The following GIT2 variants were observed in gnomAD, a reference collection of about 807,000 sequenced individuals.
GIT2 encodes the protein ARF GTPase-activating protein GIT2.
In GIT2, 32 loss-of-function variants were observed where a neutral mutation model predicts 100.3. The observed-to-expected ratio is 0.32, with a 90% CI of 0.24 to 0.43. The LOEUF is 0.43. Ranked by LOEUF, GIT2 falls within the 20% of genes least tolerant of loss-of-function variation. GIT2 has a pLI of 1.00. For missense variants in GIT2, 737 were observed against 975.1 expected, an observed-to-expected ratio of 0.76 and a Z score of 3.25; for synonymous variants, 353 against 364.1, an observed-to-expected ratio of 0.97 and a Z score of 0.35.
Position 109,933,037 on chromosome 12 carries a change from C to T in GIT2, c.2221G>A (p.Asp741Asn). The change falls in exon 20 of 20, where the codon GAC becomes AAC. Residue 741 changes from aspartate (D) to asparagine (N), a missense_variant. Physicochemically the swap from Asp to Asn is conservative, Grantham distance 23 (BLOSUM62 1). Around this residue, in one of 3 missense-constraint regions of GIT2, gnomAD observed 451 missense variants for 543.7 expected, o/e 0.83. Coordinates refer to ENST00000355312, the MANE Select transcript of GIT2 (RefSeq NM_057169.5). The surrounding 1 kb of genome is among the most constrained non-coding windows in gnomAD (Gnocchi z 4.5). ...AGCTGCTTGGCAGCCTTGGCGATGT[C>T]GTACGCACACTGGATGACCTGCTGC... ...VTQQVIQCAY[D>N]IAKAAKQLVT... The T allele has an allele frequency of 6.2e-7, 1 of 1,613,838 alleles. No homozygotes were observed. Among genetic ancestry groups the T allele is most frequent in the Non-Finnish European group, 8.5e-7 (1 of 1,179,746 alleles).
intron 1 of GIT2, chr12:109,991,994 C>A: frequency 2.3e-6 from 1 of 437,866 alleles, no homozygotes; most frequent in South Asian, 4.2e-5. Flanking sequence ...AAACAGTTAT[C>A]TTCTTTCTGG....
chr12:109,951,866 G>A (rs1450998773), intron 13 of GIT2, among the ~76,000 whole-genome samples: 1 of 152,184 alleles, frequency 6.6e-6, no homozygotes, highest in African/African-American at 2.4e-5. Flanking sequence ...CCTGTGAGTG[G>A]GTGAGAGGTG....
chr12:109,933,304 G>C lies in GIT2; in HGVS notation c.2068-114C>G. Reference sequence around the variant, plus strand: ...TGCTCCCCAGAGTGAAAGGCGGTTTGGTCCTGCCCTTTCTCAAAGGGGTGC... The same window carrying C: ...TGCTCCCCAGAGTGAAAGGCGGTTTCGTCCTGCCCTTTCTCAAAGGGGTGC... On this transcript the variant is annotated intron_variant, in intron 19 of 19. Coordinates refer to ENST00000355312, the MANE Select transcript of GIT2 (RefSeq NM_057169.5). This position sits in a 1 kb window ranked among gnomAD's most constrained non-coding sequence, Gnocchi z 4.5. 1.5e-6 allele frequency: 1 copy of C among 648,428 alleles called. No homozygotes were observed. The highest frequency in any genetic ancestry group is 2.7e-6 in the Non-Finnish European group (1 of 367,214). The allele number at this position is 648,428 out of a possible 1,614,324, so 40.2% of individuals were successfully genotyped here. A position where few individuals can be genotyped will look rare whatever the true frequency, so the allele number is the denominator to read the frequency against.
At chr12:109,939,714 TAAA>T (rs1179036341) in intron 16 of GIT2, 1 of 148,750 alleles carries the variant, frequency 6.7e-6, no homozygotes, top group Admixed American at 6.7e-5. Flanking sequence ...AATAAATAAA[TAAA>T]TAAATAAATA....
In GIT2 at chr12:109,979,555, G is replaced by A. The variant is rs532678417; in HGVS notation, c.718+1397C>T. ...CCCAAAGTGCTGGGATTACAGGCGT[G>A]AGCCACCGCACCCCGCAGAAAAAGG... is the stretch of plus-strand genomic sequence containing the variant. On this transcript the variant is annotated intron_variant, in intron 7 of 19. Coordinates refer to ENST00000355312, the MANE Select transcript of GIT2 (RefSeq NM_057169.5). Among the ~76,000 whole-genome samples the A allele has an allele frequency of 2.1e-3, 320 of 152,184 alleles. 1 individual carries two copies. The highest frequency in any genetic ancestry group is 3.6e-3 in the Non-Finnish European group (243 of 68,020).
intron 4 of GIT2, 184 bp from the exon 5 acceptor site, chr12:109,983,878 A>G (rs12322770): frequency 0.2 from 111,337 of 548,272 alleles, 16,678 homozygotes; most frequent in African/African-American, 0.61. Flanking sequence ...TGTAAGGTGG[A>G]GTGAGGCCAC....
Position 109,951,569 on chromosome 12 carries a change from A to AG in GIT2, c.1243-254dup, listed in dbSNP as rs138970317. Reference sequence around the variant, plus strand: ...CATCTATGCTGACAATGACTGTCTAAGGAGGTCTGTCCTGTCTTGTAAGCC... The same window carrying AG: ...CATCTATGCTGACAATGACTGTCTAAGGGAGGTCTGTCCTGTCTTGTAAGCC... On this transcript the variant is annotated intron_variant, in intron 13 of 19. Transcript: ENST00000355312. 6.4e-3 allele frequency among the ~76,000 whole-genome samples: 980 copies of AG among 152,334 alleles called. 3 individuals are homozygous for AG. The highest frequency in any genetic ancestry group is 0.022 in the African/African-American group (932 of 41,570).
intron 7 of GIT2, among the ~76,000 whole-genome samples, chr12:109,979,291 T>G (rs1421878821): frequency 6.7e-6 from 1 of 149,322 alleles, no homozygotes; most frequent in Non-Finnish European, 1.5e-5. Context: ...TTTTTTTTTT[T>G]TTGAGATGGA....
rs1872096215 is a variant in GIT2, at chr12:109,933,535, C to T, written c.2068-345G>A. ...TTTAGCACGACTTGTATATCCTTGT[C>T]TTATTAAATCAACATTCATGCAGAA... is the stretch of plus-strand genomic sequence containing the variant. On this transcript the variant is annotated intron_variant, in intron 19 of 19. Transcript: ENST00000355312. This position sits in a 1 kb window ranked among gnomAD's most constrained non-coding sequence, Gnocchi z 4.5. 8 of 239,374 alleles carry T rather than the reference C, an allele frequency of 3.3e-5. No individual in the cohort carries two copies. In the South Asian group the frequency reaches 5.9e-4, roughly 18 times the overall value. 14.8% of individuals were successfully genotyped at this position (239,374 alleles called of 1,614,324 possible). A position where few individuals can be genotyped will look rare whatever the true frequency, so the allele number is the denominator to read the frequency against.
chr12:109,937,477 T>A (rs570330211), intron 18 of GIT2, among the ~76,000 whole-genome samples: 1 of 152,274 alleles, frequency 6.6e-6, no homozygotes, highest in East Asian at 1.9e-4. Flanking sequence ...TTAGCTAATG[T>A]TTTATGAGTG....
At chr12:109,955,646 G>C (rs1438821956) in intron 12 of GIT2, among the ~76,000 whole-genome samples, 1 of 152,130 alleles carries the variant, frequency 6.6e-6, no homozygotes, top group Non-Finnish European at 1.5e-5. Context: ...TTTCTCCGTA[G>C]GGCACATCAC....
Position 109,967,547 on chromosome 12 carries a change from A to G in GIT2, c.719-44T>C, listed in dbSNP as rs897460885. On this transcript the variant is annotated intron_variant, in intron 7 of 19. Transcript: ENST00000355312. ...CAAAGTTTTGTTCATAGAAATGTTG[A>G]TAAGATCTGTAAAGGAACATCACCA... 3.1e-6 allele frequency: 4 copies of G among 1,307,468 alleles called. No homozygotes were observed. In the African/African-American group the frequency reaches 4.3e-5, roughly 14 times the overall value. The allele number at this position is 1,307,468 out of a possible 1,614,324, so 81.0% of individuals were successfully genotyped here.
At chr12:109,956,120 C>CAA (rs1268294934) in intron 12 of GIT2, among the ~76,000 whole-genome samples, 15 of 152,082 alleles carry the variant, frequency 9.9e-5, no homozygotes, top group Non-Finnish European at 1.5e-4. Flanking sequence ...TTAGTAGAGA[C>CAA]AGAGTTTCAC....
At chr12:109,937,338 CA>C (rs1407221666) in intron 18 of GIT2, among the ~76,000 whole-genome samples, 2 of 152,136 alleles carry the variant, frequency 1.3e-5, no homozygotes, top group African/African-American at 4.8e-5. Flanking sequence ...GAAGAGTAAA[CA>C]GCACAGCATC....
chr12:109,948,157 T>C lies in GIT2; in HGVS notation c.1393-653A>G. On this transcript the variant is annotated intron_variant, in intron 14 of 19. Coordinates refer to ENST00000355312, the MANE Select transcript of GIT2 (RefSeq NM_057169.5). This position sits in a 1 kb window ranked among gnomAD's most constrained non-coding sequence, Gnocchi z 4.3. ...AAAGAAAAAAGAGAAAACCGGATCATGGTAAGTTTGCTATATTAACATATC... is the reference window on the plus strand; with the variant it reads ...AAAGAAAAAAGAGAAAACCGGATCACGGTAAGTTTGCTATATTAACATATC... The C allele has an allele frequency of 2.1e-6, 2 of 970,084 alleles. No homozygotes were observed. Among genetic ancestry groups the C allele is most frequent in the Non-Finnish European group, 2.5e-6 (2 of 816,192 alleles). The allele number at this position is 970,084 out of a possible 1,614,324, so 60.1% of individuals were successfully genotyped here. A position where few individuals can be genotyped will look rare whatever the true frequency, so the allele number is the denominator to read the frequency against.
chr12:109,961,508 G>A (rs1881089689), intron 10 of GIT2, 105 bp downstream of exon 10: 5 of 931,250 alleles, frequency 5.4e-6, no homozygotes, highest in South Asian at 2.6e-5. Flanking sequence ...GTCGACACTC[G>A]CACCATCAGG....
intron 8 of GIT2, among the ~76,000 whole-genome samples, chr12:109,965,994 G>GTT (rs752096162): frequency 5.3e-4 from 65 of 122,404 alleles, no homozygotes; most frequent in African/African-American, 6.9e-4. Context: ...GGTCAGGGTT[G>GTT]TTTTTTTTTT....
Position 109,948,987 on chromosome 12 carries a change from A to G in GIT2, c.1393-1483T>C, listed in dbSNP as rs187840842. 2 of 614,036 alleles carry G rather than the reference A, an allele frequency of 3.3e-6. No homozygotes were observed. Among genetic ancestry groups the G allele is most frequent in the African/African-American group, 3.7e-5 (2 of 53,720 alleles). The allele number at this position is 614,036 out of a possible 1,614,324, so 38.0% of individuals were successfully genotyped here. A position where few individuals can be genotyped will look rare whatever the true frequency, so the allele number is the denominator to read the frequency against. ...CCATATACTTTATATTAATCATGCC[A>G]AACTGCTGTGAAAGTGTGACTTACT... On this transcript the variant is annotated intron_variant, in intron 14 of 19. Transcript: ENST00000355312. This position sits in a 1 kb window ranked among gnomAD's most constrained non-coding sequence, Gnocchi z 4.3.
In GIT2 at chr12:109,939,129, A is replaced by G. The variant is rs777698099; in HGVS notation, c.1814+36T>C. 3 of 1,309,076 alleles carry G rather than the reference A, an allele frequency of 2.3e-6. No individual in the cohort carries two copies. In the African/African-American group the frequency reaches 4.4e-5, roughly 19 times the overall value. 81.1% of individuals were successfully genotyped at this position (1,309,076 alleles called of 1,614,324 possible). ...GCCTGCCAGGTCTCTGGCCCTGGGGAGCCCCTCCCCTGGCACGCTCGTCCT... is the reference window on the plus strand; with the variant it reads ...GCCTGCCAGGTCTCTGGCCCTGGGGGGCCCCTCCCCTGGCACGCTCGTCCT... On this transcript the variant is annotated intron_variant, in intron 17 of 19. Coordinates refer to ENST00000355312, the MANE Select transcript of GIT2 (RefSeq NM_057169.5).
Sources: gnomAD v4.1 joint callset for allele counts (sites outside exome capture counted in the v4.1 genomes callset) on GRCh38, gnomAD v4.1.1 for gene constraint, gnomAD v4.1.1 regional missense constraint, Gnocchi (gnomAD v3.1) non-coding constraint, MANE v1.5 for transcripts, NCBI Gene and HGNC (gene_info 2026-07-23, HGNC 2026-07-21) for gene names.